Variants in C8A observed in about 807,000 individuals in gnomAD.
C8A encodes complement C8 alpha chain, also known as complement component C8 alpha chain.
A neutral mutation model predicts 65.3 loss-of-function variants in C8A; 67 were observed. The ratio of observed to expected loss-of-function variants is 1.03; its 90% confidence interval spans 0.84 to 1.26. The LOEUF is 1.26. Ranked by LOEUF, C8A falls within the 50% of genes most tolerant of loss-of-function variation. C8A has a pLI of 0.00. For synonymous variants in C8A, 290 were observed against 259.4 expected, an observed-to-expected ratio of 1.12 and a Z score of -1.13; for missense variants, 781 against 723.9, an observed-to-expected ratio of 1.08 and a Z score of -0.90.
chr1:56,877,700 T>C (rs1644211652), intron 4 of C8A, among the ~76,000 whole-genome samples: 1 of 152,046 alleles, frequency 6.6e-6, no homozygotes, highest in Admixed American at 6.6e-5. Flanking sequence ...TTGAAACAAA[T>C]CAATATGATC....
At chr1:56,886,244 G>T (rs1644299561) in intron 7 of C8A, 77 bp downstream of exon 7, 2 of 1,552,528 alleles carry the variant, frequency 1.3e-6, no homozygotes, top group African/African-American at 1.4e-5. Flanking sequence ...TCTAAGCACT[G>T]ACTATGAGCC....
At chr1:56,917,456 C>A in intron 10 of C8A, 109 bp from the exon 11 acceptor site, 1 of 1,108,002 alleles carries the variant, frequency 9.0e-7, no homozygotes, top group Non-Finnish European at 1.4e-6. Flanking sequence ...GAGGGGAGGC[C>A]AGTTCCTCTC....
chr1:56,914,061 T>C (rs55646893), intron 10 of C8A, among the ~76,000 whole-genome samples: 19,026 of 151,546 alleles, frequency 0.13, 1,491 homozygotes, highest in Non-Finnish European at 0.18. Context: ...TCCAGAGAAG[T>C]GGGAAGGCTC....
At chr1:56,914,716 G>A (rs1644537523) in intron 10 of C8A, among the ~76,000 whole-genome samples, 1 of 152,132 alleles carries the variant, frequency 6.6e-6, no homozygotes. Flanking sequence ...CCAGGCTGGA[G>A]TGGAATGGCG....
In C8A at chr1:56,881,485, G is replaced by A. The variant is rs940831429; in HGVS notation, c.505G>A (p.Asp169Asn). The change falls in exon 5 of 11, where the codon GAT becomes AAT. Residue 169 changes from aspartate (D) to asparagine (N), a missense_variant. Physicochemically the swap from Asp to Asn is conservative, Grantham distance 23. Transcript: ENST00000361249. The part of the protein sequence containing the change: ...LTQEDAQSVY[D>N]ASYYGGQCET... ...CCAGGAAGATGCTCAGAGTGTGTAC[G>A]ATGCCAGTTATTATGGGGGCCAGTG... The A allele has an allele frequency of 6.2e-6, 10 of 1,613,626 alleles. No individual in the cohort carries two copies. The Admixed American group carries it at 1.2e-4, about 19-fold the overall frequency.
At chr1:56,890,907 T>C (rs6686359) in intron 7 of C8A, among the ~76,000 whole-genome samples, 11,501 of 152,140 alleles carry the variant, frequency 0.076, 1,052 homozygotes, top group African/African-American at 0.21. Flanking sequence ...TACTCATAGA[T>C]TTATTTGTTT....
chr1:56,880,741 C>A (rs78967468), intron 4 of C8A, among the ~76,000 whole-genome samples: 4,847 of 152,170 alleles, frequency 0.032, 90 homozygotes, highest in Non-Finnish European at 0.039. Flanking sequence ...ACAATAGCAA[C>A]CTTTATTCAG....
intron 7 of C8A, among the ~76,000 whole-genome samples, chr1:56,895,671 G>T (rs1004478920): frequency 6.6e-6 from 1 of 152,128 alleles, no homozygotes; most frequent in East Asian, 1.9e-4. Flanking sequence ...AAGCACAGTG[G>T]CTCCTTCTTG....
Position 56,902,836 on chromosome 1 carries a change from G to T in C8A, c.1097-3831G>T, listed in dbSNP as rs540102411. ...ATGGCAGGATTTTCTTCTTTTTAAA[G>T]GCTGGATAATGTTCATTGAAGAAAA... On this transcript the variant is annotated intron_variant, in intron 7 of 10. Coordinates refer to ENST00000361249, the MANE Select transcript of C8A (RefSeq NM_000562.3). 7.2e-5 allele frequency among the ~76,000 whole-genome samples: 11 copies of T among 152,156 alleles called. No homozygotes were observed. The East Asian group carries it at 1.7e-3, about 24-fold the overall frequency.
chr1:56,888,836 G>A (rs1456725731), intron 7 of C8A, among the ~76,000 whole-genome samples: 1 of 152,124 alleles, frequency 6.6e-6, no homozygotes, highest in Non-Finnish European at 1.5e-5. Context: ...ACCATTTAGA[G>A]ATCGGTGTTG....
At chr1:56,859,535 T>C (rs1644010318) in intron 1 of C8A, among the ~76,000 whole-genome samples, 1 of 152,356 alleles carries the variant, frequency 6.6e-6, no homozygotes, top group African/African-American at 2.4e-5. Flanking sequence ...AATAGCATTA[T>C]GCAAATACTG....
intron 7 of C8A, among the ~76,000 whole-genome samples, chr1:56,903,451 T>C (rs903208588): frequency 1.7e-4 from 26 of 152,210 alleles, no homozygotes; most frequent in African/African-American, 6.3e-4. Flanking sequence ...CAATTAAACT[T>C]CTTTCTTTTA....
At chr1:56,885,738 G>A (rs922357058) in intron 6 of C8A, among the ~76,000 whole-genome samples, 189 bp from the exon 7 acceptor site, 7 of 151,596 alleles carry the variant, frequency 4.6e-5, no homozygotes, top group Non-Finnish European at 1.0e-4. Context: ...TTTTAGTAGA[G>A]ACGGGGTTTC....
At position 56,883,677 on chromosome 1, in the gene C8A, A is replaced by G. The variant is rs1644267163; in HGVS notation, c.851A>G (p.Glu284Gly). Residue 284 changes from glutamate (E) to glycine (G), a missense_variant, in exon 6 of 11, where the codon GAG becomes GGG. By Grantham distance (98) the Glu-to-Gly change is moderately conservative. Coordinates refer to ENST00000361249, the MANE Select transcript of C8A (RefSeq NM_000562.3). Reference protein sequence around the residue: ...SFLNELNKYNEKKFIFTRIFT... With the variant: ...SFLNELNKYNGKKFIFTRIFT... ...TTGAACGAATTAAACAAGTATAATG[A>G]GAAGGTATTCAAACATAATGTCTGT... 1.2e-6 allele frequency: 2 copies of G among 1,612,342 alleles called. No individual in the cohort carries two copies. Among genetic ancestry groups the G allele is most frequent in the African/African-American group, 2.7e-5 (2 of 74,898 alleles).
intron 7 of C8A, among the ~76,000 whole-genome samples, chr1:56,894,234 G>A (rs1644371213): frequency 6.6e-6 from 1 of 152,044 alleles, no homozygotes. Flanking sequence ...ATGATGTCCA[G>A]CCTGCAGTGT....
intron 7 of C8A, among the ~76,000 whole-genome samples, chr1:56,887,465 CT>C (rs1557706954): frequency 6.6e-6 from 1 of 152,122 alleles, no homozygotes; most frequent in African/African-American, 2.4e-5. Flanking sequence ...TGATGATGAG[CT>C]TTTTTTCATA....
intron 2 of C8A, among the ~76,000 whole-genome samples, chr1:56,872,904 A>AG (rs766247076): frequency 2.1e-4 from 31 of 149,246 alleles, no homozygotes; most frequent in Admixed American, 3.4e-4. Context: ...AGAGGAAAAA[A>AG]AAAAGAAAGA....
intron 7 of C8A, among the ~76,000 whole-genome samples, chr1:56,897,071 G>A (rs1644392268): frequency 6.6e-6 from 1 of 152,160 alleles, no homozygotes; most frequent in Non-Finnish European, 1.5e-5. Flanking sequence ...GTTTCTTGCA[G>A]TAAACCTAGA....
In C8A at chr1:56,874,943, G is replaced by C. The variant is rs745908825; in HGVS notation, c.172-6G>C. 41 of 1,613,346 alleles carry C rather than the reference G, an allele frequency of 2.5e-5. No individual in the cohort carries two copies. The highest frequency in any genetic ancestry group is 2.9e-5 in the Non-Finnish European group (34 of 1,179,718). On this transcript the variant is annotated splice_polypyrimidine_tract_variant and splice_region_variant and intron_variant, in intron 2 of 10. Coordinates refer to ENST00000361249, the MANE Select transcript of C8A (RefSeq NM_000562.3). ...AAGAATGTGTCTTGTTCAAAATCTG[G>C]TTTAGTACCGACACCGGAGCCTCTT...
Sources: allele counts gnomAD v4.1 joint callset (sites outside exome capture counted in the v4.1 genomes callset), GRCh38; gene constraint gnomAD v4.1.1; transcripts MANE v1.5; gene names NCBI Gene and HGNC (gene_info 2026-07-23, HGNC 2026-07-21).